FDFT1: variants seen among roughly 807,000 people sequenced by gnomAD.
FDFT1 encodes farnesyl-diphosphate farnesyltransferase 1, also known as squalene synthase.
A neutral mutation model predicts 46.8 loss-of-function variants in FDFT1; 68 were observed. The observed-to-expected ratio is 1.45, with a 90% CI of 1.19 to 1.78. The LOEUF (loss-of-function observed/expected upper bound fraction) is 1.78. Ranked by LOEUF, FDFT1 falls within the 40% of genes most tolerant of loss-of-function variation. FDFT1 has a pLI of 0.00. For missense variants in FDFT1, 928 were observed against 524.4 expected, an observed-to-expected ratio of 1.77 and a Z score of -7.52; for synonymous variants, 351 against 185.1, an observed-to-expected ratio of 1.90 and a Z score of -7.28.
intron 5 of FDFT1, among the ~76,000 whole-genome samples, chr8:11,829,633 C>T (rs904072295): frequency 3.9e-5 from 6 of 152,146 alleles, no homozygotes; most frequent in Non-Finnish European, 8.8e-5. Context: ...TAACAGGAGC[C>T]TCTTTAGCCT....
At chr8:11,812,164 C>G (rs1195969088) in intron 3 of FDFT1, among the ~76,000 whole-genome samples, 1 of 152,226 alleles carries the variant, frequency 6.6e-6, no homozygotes, top group Non-Finnish European at 1.5e-5. Flanking sequence ...TGAGGGATCA[C>G]TGGGGCCATG....
chr8:11,796,993 C>T (rs538644559), intron 1 of FDFT1, among the ~76,000 whole-genome samples: 3 of 152,346 alleles, frequency 2.0e-5, no homozygotes, highest in East Asian at 1.9e-4. Context: ...CTTTTAATTG[C>T]ACGCAGATTA....
At chr8:11,818,264 C>T (rs967658173) in intron 3 of FDFT1, among the ~76,000 whole-genome samples, 10 of 152,100 alleles carry the variant, frequency 6.6e-5, no homozygotes, top group Non-Finnish European at 1.2e-4. Context: ...ATTTGCTGAG[C>T]AGTGTTTTTC....
upstream of FDFT1, among the ~76,000 whole-genome samples, chr8:11,799,284 T>G (rs1314123349): frequency 6.6e-6 from 1 of 152,228 alleles, no homozygotes; most frequent in African/African-American, 2.4e-5. Flanking sequence ...CAGTCAAAGC[T>G]GTAGTTATGG....
chr8:11,809,867 A>C lies in FDFT1; in HGVS notation c.381+17A>C. 2 of 1,600,230 alleles carry C rather than the reference A, an allele frequency of 1.2e-6. No homozygotes were observed. Among genetic ancestry groups the C allele is most frequent in the Non-Finnish European group, 1.7e-6 (2 of 1,169,616 alleles). ...TTCCCAACGGTGAGTGGGGTTACGC[A>C]TCTTGTCTACGGACTGTTGTGTTCA... On this transcript the variant is annotated intron_variant, in intron 3 of 7. Transcript: ENST00000220584.
At chr8:11,807,633 C>A (rs1807033995) in intron 1 of FDFT1, among the ~76,000 whole-genome samples, 1 of 152,232 alleles carries the variant, frequency 6.6e-6, no homozygotes, top group Non-Finnish European at 1.5e-5. Flanking sequence ...GCAACTCTTT[C>A]TGATATGCTT....
chr8:11,797,432 A>C (rs1805671534), upstream of FDFT1, among the ~76,000 whole-genome samples: 1 of 152,154 alleles, frequency 6.6e-6, no homozygotes, highest in Non-Finnish European at 1.5e-5. Context: ...TCTGCATTGT[A>C]AGCTCCTTGG....
intron 5 of FDFT1, among the ~76,000 whole-genome samples, chr8:11,828,116 AT>A (rs1167155146): frequency 4.6e-5 from 7 of 151,886 alleles, no homozygotes; most frequent in Admixed American, 3.3e-4. Flanking sequence ...GTGAGACTCC[AT>A]TTAAAAAAAA....
At chr8:11,837,919 G>T (rs1020661121) in intron 7 of FDFT1, among the ~76,000 whole-genome samples, 2 of 152,108 alleles carry the variant, frequency 1.3e-5, no homozygotes, top group Admixed American at 1.3e-4. Flanking sequence ...TGGTTCATAC[G>T]GCTCCCTGCT....
intron 2 of FDFT1, 167 bp from the exon 3 acceptor site, chr8:11,809,500 G>A (rs1480808197): frequency 7.5e-7 from 1 of 1,326,150 alleles, no homozygotes; most frequent in Non-Finnish European, 9.7e-7. Flanking sequence ...TGTAAGGAAG[G>A]AAAACTAATG....
intron 5 of FDFT1, among the ~76,000 whole-genome samples, chr8:11,829,703 C>G (rs561361991): frequency 3.3e-5 from 5 of 152,148 alleles, no homozygotes; most frequent in Non-Finnish European, 7.3e-5. Flanking sequence ...CTCCCCAATA[C>G]GTAACTCACT....
chr8:11,800,260 CAAAAAAAAAAAAAAAAA>C (rs57381182), upstream of FDFT1, among the ~76,000 whole-genome samples: 7 of 57,914 alleles, frequency 1.2e-4, no homozygotes, highest in Admixed American at 8.4e-4. Flanking sequence ...AATTCTGTCT[CAAAAAAAAAAAAAAAAA>C]AAAAAAAAAA....
chr8:11,805,375 C>T (rs1485729588), intron 1 of FDFT1, among the ~76,000 whole-genome samples: 8 of 152,212 alleles, frequency 5.3e-5, no homozygotes, highest in Middle Eastern at 3.4e-3. Context: ...GGGCATATGC[C>T]GCCTGCAAGT....
intron 1 of FDFT1, among the ~76,000 whole-genome samples, chr8:11,805,977 C>T (rs992430278): frequency 6.6e-6 from 1 of 152,126 alleles, no homozygotes; most frequent in African/African-American, 2.4e-5. Context: ...TGGTGGTTAT[C>T]AATCTGATTA....
At position 11,817,331 on chromosome 8, in the gene FDFT1, T is replaced by C. The variant is rs566072000; in HGVS notation, c.382-4419T>C. Among the ~76,000 whole-genome samples the C allele has an allele frequency of 2.5e-4, 38 of 152,352 alleles. 1 individual carries two copies. The highest frequency in any genetic ancestry group is 5.4e-4 in the Non-Finnish European group (37 of 68,026). ...TCAGGGATATTGGCCTAAAATTCTC[T>C]TTTTTTATTGTTTGTCTGCCAGGCT... is the stretch of plus-strand genomic sequence containing the variant. On this transcript the variant is annotated intron_variant, in intron 3 of 7. Transcript: ENST00000220584.
exon 1 of FDFT1, chr8:11,795,606 A>C (rs188870308): frequency 6.7e-6 from 1 of 149,854 alleles, no homozygotes; most frequent in Non-Finnish European, 1.5e-5. Flanking sequence ...TTTGCTTTAC[A>C]ACGCTTGGGA....
exon 1 of FDFT1, chr8:11,795,733 C>G (rs374209094): frequency 1.3e-5 from 2 of 152,304 alleles, no homozygotes; most frequent in African/African-American, 4.8e-5. Flanking sequence ...AGTAAGACAA[C>G]GAACCCACTG....
intron 7 of FDFT1, among the ~76,000 whole-genome samples, chr8:11,834,847 C>T (rs913640388): frequency 1.3e-5 from 2 of 152,156 alleles, no homozygotes; most frequent in African/African-American, 2.4e-5. Context: ...CATCAAGCCT[C>T]GCACTGTGGC....
rs760497201 is a variant in FDFT1 at position 11,826,017 on chromosome 8, C to G, written c.511-7C>G. 2.1e-5 allele frequency: 33 copies of G among 1,541,890 alleles called. No individual in the cohort carries two copies. The highest frequency in any genetic ancestry group is 2.7e-5 in the Non-Finnish European group (31 of 1,132,006). On this transcript the variant is annotated splice_region_variant and splice_polypyrimidine_tract_variant and intron_variant, in intron 4 of 7. Coordinates refer to ENST00000220584, the MANE Select transcript of FDFT1 (RefSeq NM_004462.5). Reference sequence around the variant, plus strand: ...TATTAAAGTGCTTTAAAAATCGTCTCTTACAGTACTGCCACTATGTTGCTG... The same window carrying G: ...TATTAAAGTGCTTTAAAAATCGTCTGTTACAGTACTGCCACTATGTTGCTG...
Sources: allele counts gnomAD v4.1 joint callset (sites outside exome capture counted in the v4.1 genomes callset), GRCh38; gene constraint gnomAD v4.1.1; transcripts MANE v1.5; gene names NCBI Gene and HGNC (gene_info 2026-07-23, HGNC 2026-07-21).